Variants in ZNF365 observed in about 807,000 individuals in gnomAD.
ZNF365 encodes zinc finger protein 365.
A neutral mutation model predicts 35.0 loss-of-function variants in ZNF365; 22 were observed. That is an observed-to-expected ratio of 0.63 (90% CI 0.45 to 0.90). The LOEUF (loss-of-function observed/expected upper bound fraction) is 0.90. Ranked by LOEUF, ZNF365 falls within the 40% of genes least tolerant of loss-of-function variation. The pLI is 0.00. For missense variants in ZNF365, 448 were observed against 500.3 expected (o/e 0.90, Z 1.00); for synonymous variants, 188 against 196.2 (o/e 0.96, Z 0.35).
intron 3 of ZNF365, among the ~76,000 whole-genome samples, chr10:62,452,020 T>C (rs1480225187): frequency 1.3e-5 from 2 of 152,218 alleles, no homozygotes; most frequent in African/African-American, 4.8e-5. Flanking sequence ...ACCATTACTA[T>C]TCCTATATTA....
intron 3 of ZNF365, among the ~76,000 whole-genome samples, chr10:62,414,699 A>G (rs1194783978): frequency 1.3e-5 from 2 of 152,096 alleles, no homozygotes; most frequent in Non-Finnish European, 2.9e-5. Flanking sequence ...CCGTTTTATT[A>G]TGATGTGTTT....
At chr10:62,447,934 C>T (rs1283229091) in intron 3 of ZNF365, among the ~76,000 whole-genome samples, 1 of 152,182 alleles carries the variant, frequency 6.6e-6, no homozygotes, top group Non-Finnish European at 1.5e-5. Flanking sequence ...GGATTAATTC[C>T]TGCCCCTAAC....
chr10:62,403,295 G>C (rs1269904250), downstream of ZNF365, among the ~76,000 whole-genome samples: 1 of 152,174 alleles, frequency 6.6e-6, no homozygotes, highest in Non-Finnish European at 1.5e-5. Context: ...TCTTCACGTT[G>C]GGTGGGCTGA....
At position 62,463,230 on chromosome 10, in the gene ZNF365, T is replaced by G. The variant is rs112562564; in HGVS notation, c.981+3433T>G. Among the ~76,000 whole-genome samples the G allele has an allele frequency of 1.6e-4, 25 of 152,326 alleles. 2 individuals are homozygous for G. The highest frequency in any genetic ancestry group is 6.0e-4 in the African/African-American group (25 of 41,570). ...GGGGCAGGCAGCCGCCTACTTCCCATCCAAGTCATGGTGCTTAGGGTTCAA... is the reference window on the plus strand; with the variant it reads ...GGGGCAGGCAGCCGCCTACTTCCCAGCCAAGTCATGGTGCTTAGGGTTCAA... On this transcript the variant is annotated intron_variant, in intron 4 of 4. Coordinates refer to the ZNF365 transcript ENST00000395255.
intron 3 of ZNF365, among the ~76,000 whole-genome samples, chr10:62,444,425 C>A (rs1840550994): frequency 6.6e-6 from 1 of 152,136 alleles, no homozygotes; most frequent in Non-Finnish European, 1.5e-5. Context: ...CAGCTTCTGC[C>A]AATTAGCTCC....
chr10:62,374,778 C>G (rs1839286626), intron 1 of ZNF365, among the ~76,000 whole-genome samples: 1 of 152,204 alleles, frequency 6.6e-6, no homozygotes, highest in Admixed American at 6.5e-5. Flanking sequence ...TAAAAGCCTG[C>G]GTGCTCTGGA....
At chr10:62,403,635 G>T (rs1331765961), downstream of ZNF365, among the ~76,000 whole-genome samples, 2 of 152,126 alleles carry the variant, frequency 1.3e-5, no homozygotes, top group Non-Finnish European at 2.9e-5. Flanking sequence ...TCCAGCCTGG[G>T]TGACAGAGTG....
intron 3 of ZNF365, among the ~76,000 whole-genome samples, chr10:62,396,065 G>T (rs1482353375): frequency 6.6e-6 from 1 of 152,206 alleles, no homozygotes; most frequent in African/African-American, 2.4e-5. Flanking sequence ...AAGGGGCCAG[G>T]AGGAACAGTG....
intron 3 of ZNF365, among the ~76,000 whole-genome samples, chr10:62,415,233 T>C (rs1840055494): frequency 6.6e-6 from 1 of 152,130 alleles, no homozygotes; most frequent in Non-Finnish European, 1.5e-5. Flanking sequence ...ATTTTTTTTT[T>C]AACCAAATGC....
chr10:62,399,387 T>C, intron 4 of ZNF365, 141 bp from the exon 5 acceptor site: 1 of 1,267,396 alleles, frequency 7.9e-7, no homozygotes, highest in South Asian at 1.6e-5. Context: ...ATACTCATAT[T>C]ATGATTTGCC....
chr10:62,450,629 A>C (rs1840666110), intron 3 of ZNF365, among the ~76,000 whole-genome samples: 6 of 152,238 alleles, frequency 3.9e-5, no homozygotes. Context: ...AAGTAAAGTT[A>C]GGAGAGGGAA....
intron 3 of ZNF365, among the ~76,000 whole-genome samples, chr10:62,439,029 G>A (rs1840451749): frequency 6.6e-6 from 1 of 152,132 alleles, no homozygotes; most frequent in Admixed American, 6.5e-5. Flanking sequence ...AGGTCATTTA[G>A]CATGGAAAAT....
downstream of ZNF365, among the ~76,000 whole-genome samples, chr10:62,406,322 C>T (rs1787301637): frequency 2.0e-5 from 3 of 152,112 alleles, no homozygotes; most frequent in Non-Finnish European, 4.4e-5. Context: ...TTGTCACTTC[C>T]AAGGCAGCTT....
intron 3 of ZNF365, among the ~76,000 whole-genome samples, chr10:62,414,826 T>G (rs1168528822): frequency 6.6e-6 from 1 of 152,224 alleles, no homozygotes; most frequent in African/African-American, 2.4e-5. Flanking sequence ...ATACAGGCTA[T>G]ATGTATGCTA....
At position 62,465,930 on chromosome 10, in the gene ZNF365, C is replaced by T. The variant is rs543757235; in HGVS notation, c.981+6133C>T. Among the ~76,000 whole-genome samples the T allele has an allele frequency of 5.9e-5, 9 of 152,312 alleles. No homozygotes were observed. The South Asian group carries it at 1.9e-3, about 32-fold the overall frequency. On this transcript the variant is annotated intron_variant, in intron 4 of 4. Coordinates refer to the ZNF365 transcript ENST00000395255. ...CTGAGCCAGAGCTGTTGTAACACTA[C>T]AGCCCTCCCATGCTTCACTTGCACC...
At chr10:62,455,534 A>G (rs79932350) in intron 3 of ZNF365, among the ~76,000 whole-genome samples, 1,663 of 152,180 alleles carry the variant, frequency 0.011, 31 homozygotes, top group African/African-American at 0.038. Context: ...GCTGAGATAT[A>G]TGTATATGTA....
chr10:62,391,197 CAAT>C (rs1299758781), intron 3 of ZNF365, among the ~76,000 whole-genome samples: 1 of 152,084 alleles, frequency 6.6e-6, no homozygotes, highest in Admixed American at 6.5e-5. Flanking sequence ...TATAGAAGTA[CAAT>C]AATATTTTCT....
chr10:62,442,482 G>A (rs1273238140), intron 3 of ZNF365, among the ~76,000 whole-genome samples: 1 of 152,184 alleles, frequency 6.6e-6, no homozygotes, highest in African/African-American at 2.4e-5. Flanking sequence ...GGGTGGGGTG[G>A]AGGGAGATAC....
chr10:62,457,825 G>A (rs1471674760), intron 3 of ZNF365, among the ~76,000 whole-genome samples: 7 of 152,180 alleles, frequency 4.6e-5, no homozygotes, highest in Admixed American at 2.6e-4. Context: ...TGAGGTTGGT[G>A]GCTGGCTGTG....
Sources: gnomAD v4.1 joint callset for allele counts (sites outside exome capture counted in the v4.1 genomes callset) on GRCh38, gnomAD v4.1.1 for gene constraint, MANE v1.5 for transcripts, NCBI Gene and HGNC (gene_info 2026-07-23, HGNC 2026-07-21) for gene names.